UBE2V2: variants seen among roughly 807,000 people sequenced by gnomAD.
The protein encoded by UBE2V2 is ubiquitin-conjugating enzyme E2 variant 2.
A neutral mutation model predicts 17.2 loss-of-function variants in UBE2V2; 9 were observed. The ratio of observed to expected loss-of-function variants is 0.52; its 90% CI spans 0.32 to 0.91. UBE2V2 has a LOEUF of 0.91. Ranked by LOEUF, UBE2V2 falls within the 40% of genes least tolerant of loss-of-function variation. UBE2V2 has a pLI of 0.04. For missense variants in UBE2V2, 133 were observed against 182.6 expected (o/e 0.73, Z 1.56); for synonymous variants, 61 against 57.5 (o/e 1.06, Z -0.28).
intron 2 of UBE2V2, among the ~76,000 whole-genome samples, chr8:48,044,369 G>A (rs764101813): frequency 1.9e-4 from 29 of 152,072 alleles, no homozygotes; most frequent in Non-Finnish European, 3.5e-4. Flanking sequence ...GGCTGGTCTC[G>A]AACTCCTGGC....
chr8:48,049,455 C>G (rs899572613), intron 2 of UBE2V2: 2 of 172,212 alleles, frequency 1.2e-5, no homozygotes, highest in Admixed American at 6.0e-5. Context: ...ATGTTTAACA[C>G]AAGTCTCAAG....
chr8:48,035,131 T>TTTTTTTTTTTTC, intron 1 of UBE2V2: 1 of 912,076 alleles, frequency 1.1e-6, no homozygotes, highest in Non-Finnish European at 1.3e-6. Context: ...TTTTTTTTTT[T>TTTTTTTTTTTTC]TGGAGGTGGA....
intron 1 of UBE2V2, among the ~76,000 whole-genome samples, chr8:48,012,906 C>T (rs888638029): frequency 1.3e-4 from 20 of 151,798 alleles, no homozygotes; most frequent in Non-Finnish European, 2.8e-4. Context: ...AGAGCAGTGG[C>T]GTGATCTGGG....
At position 48,057,628 on chromosome 8, in the gene UBE2V2, T is replaced by G. The variant is rs1217200967; in HGVS notation, c.292-3054T>G. Among the ~76,000 whole-genome samples the G allele has an allele frequency of 2.6e-5, 4 of 152,020 alleles. No homozygotes were observed. The East Asian group carries it at 7.7e-4, about 29-fold the overall frequency. Reference sequence around the variant, plus strand: ...TTTAAATTATTTCTATTTAATTTTTTTTTTCTCTTTTTTCTGGGGAGGGAG... The same window carrying G: ...TTTAAATTATTTCTATTTAATTTTTGTTTTCTCTTTTTTCTGGGGAGGGAG... On this transcript the variant is annotated intron_variant, in intron 3 of 3. Coordinates refer to ENST00000523111, the MANE Select transcript of UBE2V2 (RefSeq NM_003350.3).
chr8:48,036,167 C>G (rs2091423891), intron 1 of UBE2V2, among the ~76,000 whole-genome samples: 2 of 151,176 alleles, frequency 1.3e-5, no homozygotes, highest in African/African-American at 4.9e-5. Context: ...GTTGCTCAGG[C>G]TTGTCTTGAA....
At chr8:47,997,958 G>A in the UBE2V2 span, among the ~76,000 whole-genome samples, 1 of 151,988 alleles carries the variant, frequency 6.6e-6, no homozygotes. Context: ...CAGGAGGCGA[G>A]TGGAGTTTGG....
At chr8:48,021,571 G>A (rs2091306076) in intron 1 of UBE2V2, among the ~76,000 whole-genome samples, 1 of 152,106 alleles carries the variant, frequency 6.6e-6, no homozygotes, top group South Asian at 2.1e-4. Context: ...CTCCCAAAGT[G>A]CTGGGATTAC....
In UBE2V2 at chr8:48,063,579, G is replaced by A. The variant is rs1395156914; in HGVS notation, c.*2751G>A. The A allele has an allele frequency of 6.6e-6, 1 of 152,016 alleles. No homozygotes were observed. Among genetic ancestry groups the A allele is most frequent in the Non-Finnish European group, 1.5e-5 (1 of 68,008 alleles). 9.4% of individuals were successfully genotyped at this position (152,016 alleles called of 1,614,324 possible). A position where few individuals can be genotyped will look rare whatever the true frequency, so the allele number is the denominator to read the frequency against. The stretch of plus-strand genomic sequence containing the variant: ...GTTAGGTCAGTGTTATGATTTAATG[G>A]TTTTAATTACTTAACCAATTTTAAG... On this transcript the variant is annotated 3_prime_UTR_variant, in exon 4 of 4. Coordinates refer to ENST00000523111, the MANE Select transcript of UBE2V2 (RefSeq NM_003350.3).
the UBE2V2 span, among the ~76,000 whole-genome samples, chr8:47,998,322 TAGA>T: frequency 1.5e-4 from 23 of 151,938 alleles, no homozygotes; most frequent in South Asian, 6.3e-4. Flanking sequence ...GGGGCGCACG[TAGA>T]AGAAGAAGAG....
chr8:47,997,479 T>G, the UBE2V2 span, among the ~76,000 whole-genome samples: 1 of 152,018 alleles, frequency 6.6e-6, no homozygotes, highest in Non-Finnish European at 1.5e-5. Context: ...GGGCCTGGGC[T>G]GCAAGTCACA....
At chr8:48,049,809 T>C (rs375085479) in intron 2 of UBE2V2, 44 bp from the exon 3 acceptor site, 40 of 1,548,334 alleles carry the variant, frequency 2.6e-5, no homozygotes, top group Non-Finnish European at 8.8e-6. Flanking sequence ...ATTAATATTT[T>C]AGGTATTGTT....
At chr8:48,049,229 AG>A (rs927358911) in intron 2 of UBE2V2, among the ~76,000 whole-genome samples, 1 of 150,490 alleles carries the variant, frequency 6.6e-6, no homozygotes, top group African/African-American at 2.5e-5. Flanking sequence ...TATAACTAAC[AG>A]GGGACATAAA....
intron 3 of UBE2V2, among the ~76,000 whole-genome samples, chr8:48,052,203 G>A (rs1442673059): frequency 1.3e-5 from 2 of 152,162 alleles, no homozygotes; most frequent in Non-Finnish European, 2.9e-5. Flanking sequence ...AAGCATATGA[G>A]TACACAGAAA....
the UBE2V2 span, among the ~76,000 whole-genome samples, chr8:48,000,315 C>A: frequency 6.6e-6 from 1 of 152,186 alleles, no homozygotes; most frequent in Non-Finnish European, 1.5e-5. Flanking sequence ...CCAAATTATC[C>A]TTAGTCTCCC....
intron 3 of UBE2V2, among the ~76,000 whole-genome samples, chr8:48,060,093 C>G (rs1240733501): frequency 6.6e-6 from 1 of 150,720 alleles, no homozygotes; most frequent in African/African-American, 2.4e-5. Context: ...GTAATCCCAG[C>G]TACTTGGGAG....
At chr8:48,055,605 G>A (rs1388895721) in intron 3 of UBE2V2, among the ~76,000 whole-genome samples, 3 of 151,828 alleles carry the variant, frequency 2.0e-5, no homozygotes, top group Non-Finnish European at 2.9e-5. Context: ...CCATTTAAAG[G>A]GTAAAATTCA....
chr8:48,001,935 C>CA, the UBE2V2 span, among the ~76,000 whole-genome samples: 1 of 152,058 alleles, frequency 6.6e-6, no homozygotes, highest in Non-Finnish European at 1.5e-5. Context: ...ACTAAAAATA[C>CA]AAAATGAGCC....
At chr8:48,016,777 C>T (rs1279135380) in intron 1 of UBE2V2, among the ~76,000 whole-genome samples, 1 of 139,132 alleles carries the variant, frequency 7.2e-6, no homozygotes, top group Non-Finnish European at 1.6e-5. Flanking sequence ...CCGCCGTGCC[C>T]AGCCTTTTTT....
At chr8:48,028,052 C>T (rs981567246) in intron 1 of UBE2V2, among the ~76,000 whole-genome samples, 1 of 152,094 alleles carries the variant, frequency 6.6e-6, no homozygotes, top group Non-Finnish European at 1.5e-5. Flanking sequence ...TGGGATTTCA[C>T]CATGTTGGCC....
Sources: allele counts gnomAD v4.1 joint callset (sites outside exome capture counted in the v4.1 genomes callset), GRCh38; gene constraint gnomAD v4.1.1; transcripts MANE v1.5; gene names NCBI Gene and HGNC (gene_info 2026-07-23, HGNC 2026-07-21).